Variants in KIRREL3 observed in about 807,000 individuals in gnomAD.
The protein encoded by KIRREL3 is kirre like nephrin family adhesion molecule 3.
KIRREL3 carries 36 observed loss-of-function variants against 89.7 expected under a neutral mutation model. That is an observed-to-expected ratio of 0.40 (90% confidence interval 0.31 to 0.53). The LOEUF is 0.53. KIRREL3 is among the 20% of genes least tolerant of loss of function. KIRREL3 has a pLI of 0.49. For synonymous variants in KIRREL3, 445 were observed against 441.4 expected, an observed-to-expected ratio of 1.01 and a Z score of -0.10; for missense variants, 864 against 1,056.6, an observed-to-expected ratio of 0.82 and a Z score of 2.53.
At chr11:126,584,037 T>G (rs1941696245) in intron 1 of KIRREL3, among the ~76,000 whole-genome samples, 2 of 152,344 alleles carry the variant, frequency 1.3e-5, no homozygotes, top group Admixed American at 1.3e-4. Context: ...TAGCTTAACG[T>G]AGCTGACATT....
At chr11:126,786,467 T>A (rs560564695) in intron 1 of KIRREL3, among the ~76,000 whole-genome samples, 11 of 152,322 alleles carry the variant, frequency 7.2e-5, no homozygotes, top group Admixed American at 5.2e-4. Context: ...TAGACCAGCA[T>A]TTCATTTTAT....
At position 126,423,675 on chromosome 11, in the gene KIRREL3, C is replaced by T. The variant is rs572441657; in HGVS notation, c.*905G>A. ...CCCTCCAGCCCCTTCAAACGCCACA[C>T]TTCCCAGGAAGCACTCTCTCCATAA... On this transcript the variant is annotated 3_prime_UTR_variant, in exon 17 of 17. Coordinates refer to ENST00000525144, the MANE Select transcript of KIRREL3 (RefSeq NM_032531.4). 4.6e-5 allele frequency: 7 copies of T among 152,350 alleles called. No individual in the cohort carries two copies. The highest frequency in any genetic ancestry group is 1.7e-4 in the African/African-American group (7 of 41,578). 9.4% of individuals were successfully genotyped at this position (152,350 alleles called of 1,614,324 possible). A position where few individuals can be genotyped will look rare whatever the true frequency, so the allele number is the denominator to read the frequency against.
rs1473693777 is a variant in KIRREL3, at chr11:126,653,588, A to G, written c.56-90676T>C. On this transcript the variant is annotated intron_variant, in intron 1 of 16. Coordinates refer to ENST00000525144, the MANE Select transcript of KIRREL3 (RefSeq NM_032531.4). This position sits in a 1 kb window ranked among gnomAD's most constrained non-coding sequence, Gnocchi z 5.4. Reference sequence around the variant, plus strand: ...CGGAAGTGGCATTTTGCAAACTCCAATCCCCCAGGACCACATGTGAAGGAG... The same window carrying G: ...CGGAAGTGGCATTTTGCAAACTCCAGTCCCCCAGGACCACATGTGAAGGAG... 2.0e-5 allele frequency among the ~76,000 whole-genome samples: 3 copies of G among 152,190 alleles called. No homozygotes were observed. Among genetic ancestry groups the G allele is most frequent in the South Asian group, 2.1e-4 (1 of 4,828 alleles).
Position 126,531,644 on chromosome 11 carries a change from C to T in KIRREL3, c.134-4957G>A, listed in dbSNP as rs1958948397. Among the ~76,000 whole-genome samples, 1 of 150,528 alleles carries T rather than the reference C, an allele frequency of 6.6e-6. No homozygotes were observed. The highest frequency in any genetic ancestry group is 1.5e-5 in the Non-Finnish European group (1 of 67,758). ...TTCTCTCCCCAGGCAGCTCCTGTGA[C>T]CCAGATGGAATCTTCTTTTTTCTCG... On this transcript the variant is annotated intron_variant, in intron 2 of 16. Coordinates refer to ENST00000525144, the MANE Select transcript of KIRREL3 (RefSeq NM_032531.4). The surrounding 1 kb of genome is among the most constrained non-coding windows in gnomAD (Gnocchi z 4.7).
At position 126,454,399 on chromosome 11, in the gene KIRREL3, A is replaced by T. The variant is rs1406079470; in HGVS notation, c.848+1950T>A. Among the ~76,000 whole-genome samples, 1 of 152,052 alleles carries T rather than the reference A, an allele frequency of 6.6e-6. No individual in the cohort carries two copies. Among genetic ancestry groups the T allele is most frequent in the Non-Finnish European group, 1.5e-5 (1 of 68,010 alleles). On this transcript the variant is annotated intron_variant, in intron 7 of 16. Coordinates refer to ENST00000525144, the MANE Select transcript of KIRREL3 (RefSeq NM_032531.4). The surrounding 1 kb of genome is among the most constrained non-coding windows in gnomAD (Gnocchi z 5.8). ...GAGCCTGGCAGTGAGGAGAAACGAA[A>T]GTCGAAAGTTGTGTGTCCTGGTCTC...
At position 126,983,132 on chromosome 11, in the gene KIRREL3, T is replaced by C. The variant is rs916516089; in HGVS notation, c.55+17323A>G. ...ATTTGATAATCCCCATAGATATACA[T>C]GGGGAAGGTCATTTTTTCTAACTTA... On this transcript the variant is annotated intron_variant, in intron 1 of 16. Coordinates refer to ENST00000525144, the MANE Select transcript of KIRREL3 (RefSeq NM_032531.4). This position sits in a 1 kb window ranked among gnomAD's most constrained non-coding sequence, Gnocchi z 4.9. Among the ~76,000 whole-genome samples, 1 of 152,102 alleles carries C rather than the reference T, an allele frequency of 6.6e-6. No individual in the cohort carries two copies. Among genetic ancestry groups the C allele is most frequent in the Non-Finnish European group, 1.5e-5 (1 of 68,008 alleles).
intron 1 of KIRREL3, among the ~76,000 whole-genome samples, chr11:126,753,666 G>A (rs935745211): frequency 1.3e-5 from 2 of 152,130 alleles, no homozygotes; most frequent in Non-Finnish European, 2.9e-5. Flanking sequence ...GACAAATGGA[G>A]TATCACCCTA....
chr11:126,451,354 A>ATGTGTGTGCG (rs1491525139), intron 7 of KIRREL3, among the ~76,000 whole-genome samples: 1 of 43,748 alleles, frequency 2.3e-5, no homozygotes, highest in Non-Finnish European at 4.1e-5. Context: ...GTGTGTGCGT[A>ATGTGTGTGCG]TGTGAGTGTG....
chr11:126,985,889 G>A lies in KIRREL3; in HGVS notation c.55+14566C>T, dbSNP rs1290442060. On this transcript the variant is annotated intron_variant, in intron 1 of 16. Transcript: ENST00000525144. This position sits in a 1 kb window ranked among gnomAD's most constrained non-coding sequence, Gnocchi z 5.3. ...ATGTGCCTTCATGACCCCCCTACTG[G>A]ATGGGAGAGAGTTAAAGCTGTTGTT... Among the ~76,000 whole-genome samples the A allele has an allele frequency of 6.6e-6, 1 of 152,204 alleles. No homozygotes were observed. The highest frequency in any genetic ancestry group is 2.4e-5 in the African/African-American group (1 of 41,460).
intron 1 of KIRREL3, among the ~76,000 whole-genome samples, chr11:126,781,074 G>GA (rs1950312526): frequency 1.3e-5 from 2 of 152,210 alleles, no homozygotes; most frequent in South Asian, 4.1e-4. Context: ...AGATGAGGGT[G>GA]AAAAGGGTGG....
At chr11:126,722,927 G>A (rs886877071) in intron 1 of KIRREL3, among the ~76,000 whole-genome samples, 2 of 152,228 alleles carry the variant, frequency 1.3e-5, no homozygotes, top group Middle Eastern at 3.4e-3. Flanking sequence ...GGTGATTTCC[G>A]CACGAAATCT....
rs1242593566 is a variant in KIRREL3, at chr11:126,882,021, G to T, written c.55+118434C>A. Among the ~76,000 whole-genome samples the T allele has an allele frequency of 2.6e-5, 4 of 152,072 alleles. No homozygotes were observed. The East Asian group carries it at 5.8e-4, about 22-fold the overall frequency. On this transcript the variant is annotated intron_variant, in intron 1 of 16. Coordinates refer to ENST00000525144, the MANE Select transcript of KIRREL3 (RefSeq NM_032531.4). ...TGCGTATATATGGGTGTGTGTGTAG[G>T]GGGGATCAAGCCCTAAATAGGCCCC...
At chr11:126,707,835 C>CTTT (rs11383510) in intron 1 of KIRREL3, among the ~76,000 whole-genome samples, 5 of 147,480 alleles carry the variant, frequency 3.4e-5, no homozygotes, top group African/African-American at 1.0e-4. Context: ...TTGTGATGAG[C>CTTT]TTTTTTTTTT....
At chr11:126,840,807 G>A (rs560996831) in intron 1 of KIRREL3, among the ~76,000 whole-genome samples, 1 of 152,132 alleles carries the variant, frequency 6.6e-6, no homozygotes, top group African/African-American at 2.4e-5. Context: ...CAGTGACTGT[G>A]ATCAAGTAAC....
At chr11:126,674,838 C>T (rs948176727) in intron 1 of KIRREL3, among the ~76,000 whole-genome samples, 1 of 151,960 alleles carries the variant, frequency 6.6e-6, no homozygotes, top group Non-Finnish European at 1.5e-5. Flanking sequence ...CAGCCTGGGC[C>T]AGCCATAAAA....
At chr11:126,472,031 C>A (rs571896880) in intron 5 of KIRREL3, among the ~76,000 whole-genome samples, 1 of 152,214 alleles carries the variant, frequency 6.6e-6, no homozygotes, top group South Asian at 2.1e-4. Flanking sequence ...GATGGTGGAG[C>A]CTAAACGGCT....
intron 1 of KIRREL3, among the ~76,000 whole-genome samples, chr11:126,820,221 G>A (rs954418163): frequency 2.0e-5 from 3 of 152,134 alleles, no homozygotes; most frequent in African/African-American, 7.2e-5. Flanking sequence ...TGCAGAGGGA[G>A]GCAGATAGCT....
At chr11:126,787,878 C>A (rs147534459) in intron 1 of KIRREL3, among the ~76,000 whole-genome samples, 3 of 152,154 alleles carry the variant, frequency 2.0e-5, no homozygotes, top group Non-Finnish European at 2.9e-5. Flanking sequence ...TGCTCTTCAC[C>A]CTGCTTCTTC....
intron 1 of KIRREL3, among the ~76,000 whole-genome samples, chr11:126,730,188 T>C (rs1412962448): frequency 6.6e-6 from 1 of 152,208 alleles, no homozygotes; most frequent in Non-Finnish European, 1.5e-5. Flanking sequence ...ACTTAGCCCT[T>C]GGCCCTGGCT....
Sources: gnomAD v4.1 joint callset for allele counts (sites outside exome capture counted in the v4.1 genomes callset) on GRCh38, gnomAD v4.1.1 for gene constraint, Gnocchi (gnomAD v3.1) non-coding constraint, MANE v1.5 for transcripts, NCBI Gene and HGNC (gene_info 2026-07-23, HGNC 2026-07-21) for gene names.